REDIC1: variants seen among roughly 807,000 people sequenced by gnomAD.
REDIC1 encodes the protein HEI10 Interacting Protein 1.
the REDIC1 span, among the ~76,000 whole-genome samples, chr12:39,753,074 G>A: frequency 1.3e-5 from 2 of 152,166 alleles, no homozygotes; most frequent in East Asian, 1.9e-4. Context: ...CTGCTCTAAC[G>A]TATGTTTTGT....
chr12:39,838,414 C>T, the REDIC1 span, among the ~76,000 whole-genome samples: 4 of 145,652 alleles, frequency 2.7e-5, no homozygotes, highest in East Asian at 4.1e-4. Flanking sequence ...GTGGGTGCAG[C>T]GCACCAGCAT....
chr12:39,844,158 C>T, the REDIC1 span, among the ~76,000 whole-genome samples: 1 of 152,042 alleles, frequency 6.6e-6, no homozygotes, highest in African/African-American at 2.4e-5. Flanking sequence ...ACACATGCCT[C>T]CTTCCAATAT....
chr12:39,717,395 A>G, the REDIC1 span, among the ~76,000 whole-genome samples: 17 of 152,030 alleles, frequency 1.1e-4, no homozygotes, highest in Admixed American at 1.1e-3. Flanking sequence ...AGAAAAGAAA[A>G]CGTTACTAAG....
the REDIC1 span, among the ~76,000 whole-genome samples, chr12:39,730,669 G>A: frequency 7.2e-5 from 11 of 152,146 alleles, no homozygotes; most frequent in African/African-American, 2.7e-4. Flanking sequence ...TATCTTTGTG[G>A]TATTCTCTGT....
At chr12:39,743,114 GA>G in the REDIC1 span, among the ~76,000 whole-genome samples, 1 of 152,152 alleles carries the variant, frequency 6.6e-6, no homozygotes, top group Non-Finnish European at 1.5e-5. Flanking sequence ...TAACCATTTT[GA>G]AATATGCCAG....
At chr12:39,634,953 C>A in the REDIC1 span, among the ~76,000 whole-genome samples, 3 of 152,024 alleles carry the variant, frequency 2.0e-5, no homozygotes, top group Non-Finnish European at 4.4e-5. Context: ...AAAAAAACAA[C>A]CCCATCAAAA....
the REDIC1 span, among the ~76,000 whole-genome samples, chr12:39,862,060 G>A: frequency 6.6e-6 from 1 of 152,088 alleles, no homozygotes; most frequent in Admixed American, 6.5e-5. Flanking sequence ...GCGCCAGTGT[G>A]TGTAGTTAGT....
At chr12:39,865,056 T>C in the REDIC1 span, among the ~76,000 whole-genome samples, 1 of 152,184 alleles carries the variant, frequency 6.6e-6, no homozygotes, top group South Asian at 2.1e-4. Flanking sequence ...TATAAACAAA[T>C]TATCAGAACT....
At chr12:39,907,681 T>C in the REDIC1 span, 1 of 152,122 alleles carries the variant, frequency 6.6e-6, no homozygotes, top group African/African-American at 2.4e-5. Flanking sequence ...GAGGTGCATC[T>C]CACCAACCAT....
the REDIC1 span, among the ~76,000 whole-genome samples, chr12:39,702,437 AATC>A: frequency 6.6e-6 from 1 of 152,220 alleles, no homozygotes; most frequent in Non-Finnish European, 1.5e-5. Context: ...TTGTGGCAAT[AATC>A]AATAGCTTAC....
the REDIC1 span, among the ~76,000 whole-genome samples, chr12:39,628,320 C>A: frequency 1.3e-5 from 2 of 152,068 alleles, no homozygotes; most frequent in East Asian, 1.9e-4. Flanking sequence ...TCTCCATTTT[C>A]TATTTTCAGA....
the REDIC1 span, among the ~76,000 whole-genome samples, chr12:39,823,348 T>C: frequency 6.6e-6 from 1 of 152,146 alleles, no homozygotes; most frequent in African/African-American, 2.4e-5. Context: ...AATACATCAA[T>C]CCTGTACATG....
the REDIC1 span, among the ~76,000 whole-genome samples, chr12:39,760,720 C>T: frequency 6.6e-6 from 1 of 151,824 alleles, no homozygotes; most frequent in African/African-American, 2.4e-5. Flanking sequence ...ATGTAAACTC[C>T]ATGAAGTCAG....
the REDIC1 span, among the ~76,000 whole-genome samples, chr12:39,700,153 G>A: frequency 6.6e-6 from 1 of 152,152 alleles, no homozygotes; most frequent in South Asian, 2.1e-4. Context: ...GCTATGGGAG[G>A]ACATTCAAAC....
At chr12:39,862,438 G>C in the REDIC1 span, among the ~76,000 whole-genome samples, 1 of 152,162 alleles carries the variant, frequency 6.6e-6, no homozygotes, top group Admixed American at 6.5e-5. Flanking sequence ...AATGGACATA[G>C]GCACTTAACT....
the REDIC1 span, among the ~76,000 whole-genome samples, chr12:39,768,413 T>TTTGG: frequency 6.6e-6 from 1 of 152,130 alleles, no homozygotes; most frequent in Non-Finnish European, 1.5e-5. Context: ...AATTTGGCTA[T>TTTGG]TTGGTGCAAG....
chr12:39,727,133 G>A, the REDIC1 span, among the ~76,000 whole-genome samples: 1 of 151,902 alleles, frequency 6.6e-6, no homozygotes, highest in Non-Finnish European at 1.5e-5. Context: ...CACTCTTGCT[G>A]TGCAGAAGCT....
At chr12:39,876,819 A>G in the REDIC1 span, among the ~76,000 whole-genome samples, 2,418 of 152,312 alleles carry the variant, frequency 0.016, 19 homozygotes, top group Non-Finnish European at 0.026. Flanking sequence ...CTTCCTGACA[A>G]GAGCCAGTCT....
chr12:39,765,888 C>T, the REDIC1 span, among the ~76,000 whole-genome samples: 153 of 152,038 alleles, frequency 1.0e-3, no homozygotes, highest in Non-Finnish European at 1.9e-3. Flanking sequence ...CTCCTCCCAG[C>T]CCCCACAGGC....
Sources: allele counts gnomAD v4.1 joint callset (sites outside exome capture counted in the v4.1 genomes callset), GRCh38; gene constraint gnomAD v4.1.1; transcripts MANE v1.5; gene names NCBI Gene and HGNC (gene_info 2026-07-23, HGNC 2026-07-21).